Variants in PCDHGA7 observed in about 807,000 individuals in gnomAD.
PCDHGA7 encodes the protein protocadherin gamma subfamily A, 7.
In PCDHGA7, 44 loss-of-function variants were observed where a neutral mutation model predicts 58.3. The ratio of observed to expected loss-of-function variants is 0.75; its 90% CI spans 0.59 to 0.97. The LOEUF (loss-of-function observed/expected upper bound fraction) is 0.97. PCDHGA7 is among the 50% of genes least tolerant of loss of function. PCDHGA7 has a pLI of 0.00. For missense variants in PCDHGA7, 1,266 were observed against 1,188.7 expected, an observed-to-expected ratio of 1.06 and a Z score of -0.96; for synonymous variants, 516 against 504.2, an observed-to-expected ratio of 1.02 and a Z score of -0.31.
chr5:141,392,305 GT>G (rs148037308), intron 1 of PCDHGA7: 5,240 of 152,054 alleles, frequency 0.034, 107 homozygotes, highest in Middle Eastern at 0.088. Flanking sequence ...AAAGTATCAT[GT>G]TTTTTTTAAG....
chr5:141,469,410 A>G (rs2099200490), intron 1 of PCDHGA7, among the ~76,000 whole-genome samples: 1 of 152,128 alleles, frequency 6.6e-6, no homozygotes, highest in Non-Finnish European at 1.5e-5. Context: ...CCCCGTTTCT[A>G]CTAAAAATAT....
rs1561745511 is a variant in PCDHGA7 at position 141,413,844 on chromosome 5, C to T, written c.2424+28521C>T. The stretch of plus-strand genomic sequence containing the variant: ...TCCTCACCGCCTCCGACGGGGGTGA[C>T]CCTCTCCGATCTGGCACTGTCCTTG... On this transcript the variant is annotated intron_variant, in intron 1 of 3. Transcript: ENST00000518325. The T allele has an allele frequency of 5.6e-6, 9 of 1,613,254 alleles. No homozygotes were observed. The East Asian group carries it at 6.7e-5, about 12-fold the overall frequency.
chr5:141,393,331 G>A (rs2092730399), intron 1 of PCDHGA7: 1 of 1,613,860 alleles, frequency 6.2e-7, no homozygotes. Flanking sequence ...TACCAGCTCA[G>A]CCCCAATCAC....
Position 141,476,013 on chromosome 5 carries a change from G to A in PCDHGA7, c.2425-18794G>A. ...AAATCAACGGCATCCAGAAAGCCAT[G>A]TCGGACTCGGCGCCCAGCGCCCAAG... On this transcript the variant is annotated intron_variant, in intron 1 of 3. Coordinates refer to ENST00000518325, the MANE Select transcript of PCDHGA7 (RefSeq NM_018920.4). The surrounding 1 kb of genome is among the most constrained non-coding windows in gnomAD (Gnocchi z 7.6). The A allele has an allele frequency of 7.5e-7, 1 of 1,334,720 alleles. No individual in the cohort carries two copies. The highest frequency in any genetic ancestry group is 1.0e-6 in the Non-Finnish European group (1 of 983,502). 82.7% of individuals were successfully genotyped at this position (1,334,720 alleles called of 1,614,324 possible). A position where few individuals can be genotyped will look rare whatever the true frequency, so the allele number is the denominator to read the frequency against.
rs557973676 is a variant in PCDHGA7, at chr5:141,429,315, T to C, written c.2424+43992T>C. 9.2e-5 allele frequency among the ~76,000 whole-genome samples: 14 copies of C among 152,298 alleles called. No individual in the cohort carries two copies. In the South Asian group the frequency reaches 2.9e-3, roughly 32 times the overall value. ...ACATCAATATTTGAGTATATAAGGC[T>C]TTTTCTTTAATCCATTAACTATAAA... On this transcript the variant is annotated intron_variant, in intron 1 of 3. Transcript: ENST00000518325.
At chr5:141,448,000 C>T (rs1363676731) in intron 1 of PCDHGA7, among the ~76,000 whole-genome samples, 3 of 151,840 alleles carry the variant, frequency 2.0e-5, no homozygotes, top group Non-Finnish European at 4.4e-5. Flanking sequence ...GCATGAGAAT[C>T]GCTTGAACCC....
At chr5:141,503,598 C>CTAA (rs2099824827) in intron 2 of PCDHGA7, among the ~76,000 whole-genome samples, 2 of 65,752 alleles carry the variant, frequency 3.0e-5, no homozygotes, top group African/African-American at 9.3e-5. Flanking sequence ...GACTCCAGCT[C>CTAA]AAAAAAAAAA....
Position 141,486,092 on chromosome 5 carries a change from C to G in PCDHGA7, c.2425-8715C>G. ...TACTGGAAAGCTTACTCTTTTGGGG[C>G]CCCTAGACTTTGAGAGTGAGAATTA... On this transcript the variant is annotated intron_variant, in intron 1 of 3. Transcript: ENST00000518325. The surrounding 1 kb of genome is among the most constrained non-coding windows in gnomAD (Gnocchi z 5.0). The G allele has an allele frequency of 6.2e-7, 1 of 1,614,148 alleles. No individual in the cohort carries two copies. Among genetic ancestry groups the G allele is most frequent in the South Asian group, 1.1e-5 (1 of 91,080 alleles).
Position 141,476,064 on chromosome 5 carries a change from C to T in PCDHGA7, c.2425-18743C>T, listed in dbSNP as rs1593605493. On this transcript the variant is annotated intron_variant, in intron 1 of 3. Transcript: ENST00000518325. The surrounding 1 kb of genome is among the most constrained non-coding windows in gnomAD (Gnocchi z 7.6). Reference sequence around the variant, plus strand: ...CGCTAACCCGCTGAAAGTTTCTCAGCGAAATCTCAGGGACGATCTGGACCC... The same window carrying T: ...CGCTAACCCGCTGAAAGTTTCTCAGTGAAATCTCAGGGACGATCTGGACCC... 2.0e-6 allele frequency: 3 copies of T among 1,510,080 alleles called. No homozygotes were observed. In the East Asian group the frequency reaches 6.8e-5, roughly 34 times the overall value. 93.5% of individuals were successfully genotyped at this position (1,510,080 alleles called of 1,614,324 possible). A position where few individuals can be genotyped will look rare whatever the true frequency, so the allele number is the denominator to read the frequency against.
chr5:141,472,339 A>T (rs1330302365), intron 1 of PCDHGA7, among the ~76,000 whole-genome samples: 1 of 151,906 alleles, frequency 6.6e-6, no homozygotes, highest in Non-Finnish European at 1.5e-5. Flanking sequence ...TGGGAGATCG[A>T]GACCATCCTG....
intron 1 of PCDHGA7, chr5:141,426,648 A>G (rs1224402025): frequency 2.4e-6 from 1 of 418,088 alleles, no homozygotes; most frequent in Non-Finnish European, 4.9e-6. Flanking sequence ...AAATGTGATG[A>G]TAGAAGATAT....
Position 141,383,610 on chromosome 5 carries a change from C to A in PCDHGA7, c.711C>A (p.Asp237Glu), listed in dbSNP as rs372785458. 15 of 1,613,700 alleles carry A rather than the reference C, an allele frequency of 9.3e-6. No homozygotes were observed. Among genetic ancestry groups the A allele is most frequent in the Non-Finnish European group, 1.3e-5 (15 of 1,179,902 alleles). The change falls in exon 1 of 4, where the codon GAC (aspartate) becomes GAA (glutamate). Residue 237 changes from aspartate to glutamate, a missense_variant. Coordinates refer to ENST00000518325, the MANE Select transcript of PCDHGA7 (RefSeq NM_018920.4). ...AGGTGACAGTGGTGGATGTGAATGA[C>A]CACACGCCTGTCTTCTCTCTGCCTC... is the stretch of plus-strand genomic sequence containing the variant. Reference protein sequence around the residue: ...HIQVTVVDVNDHTPVFSLPQY... With the variant: ...HIQVTVVDVNEHTPVFSLPQY...
intron 2 of PCDHGA7, 40 bp from the exon 3 acceptor site, chr5:141,505,353 G>T (rs376781305): frequency 1.7e-5 from 27 of 1,613,426 alleles, no homozygotes; most frequent in Non-Finnish European, 2.0e-5. Flanking sequence ...GAGCTGTGCC[G>T]GCCTGGGAGT....
At chr5:141,499,423 GA>G (rs1229901490) in intron 2 of PCDHGA7, among the ~76,000 whole-genome samples, 3 of 151,756 alleles carry the variant, frequency 2.0e-5, no homozygotes, top group Non-Finnish European at 2.9e-5. Flanking sequence ...ATGAAAAATA[GA>G]AAAAAAATTA....
chr5:141,415,901 C>A, intron 1 of PCDHGA7: 1 of 847,932 alleles, frequency 1.2e-6, no homozygotes, highest in Non-Finnish European at 1.6e-6. Context: ...CTAAGACAGA[C>A]TTCCATACAG....
Position 141,419,013 on chromosome 5 carries a change from G to C in PCDHGA7, c.2424+33690G>C, listed in dbSNP as rs746229802. The C allele has an allele frequency of 6.9e-5, 111 of 1,613,840 alleles. No individual in the cohort carries two copies. In the East Asian group the frequency reaches 2.4e-3, roughly 35 times the overall value. ...GGGGAAAATGGGGAAGTCAGGTGTA[G>C]CTTAAGTAGAGGTGTTCCATTTAAG... is the stretch of plus-strand genomic sequence containing the variant. On this transcript the variant is annotated intron_variant, in intron 1 of 3. Transcript: ENST00000518325.
chr5:141,422,222 C>A (rs1453283842), intron 1 of PCDHGA7: 2 of 1,564,972 alleles, frequency 1.3e-6, no homozygotes, highest in South Asian at 1.2e-5. Flanking sequence ...TTTACCACCA[C>A]GACGATGTTG....
At position 141,400,283 on chromosome 5, in the gene PCDHGA7, C is replaced by T. The variant is rs566639489; in HGVS notation, c.2424+14960C>T. 2.5e-6 allele frequency: 4 copies of T among 1,614,084 alleles called. No individual in the cohort carries two copies. In the African/African-American group the frequency reaches 5.3e-5, roughly 22 times the overall value. On this transcript the variant is annotated intron_variant, in intron 1 of 3. Coordinates refer to ENST00000518325, the MANE Select transcript of PCDHGA7 (RefSeq NM_018920.4). The stretch of plus-strand genomic sequence containing the variant: ...CTGCGACGCTCCTCCAGCCCTGCCG[C>T]CTGGAGCTGCTTCCAACCTGGTCTC...
Position 141,383,585 on chromosome 5 carries a change from A to G in PCDHGA7, c.686A>G (p.Gln229Arg), listed in dbSNP as rs1779292169. The stretch of plus-strand genomic sequence containing the variant: ...CCCCGATCCAGCACCGCCCACATCC[A>G]GGTGACAGTGGTGGATGTGAATGAC... ...DPPRSSTAHI[Q>R]VTVVDVNDHT... The change falls in exon 1 of 4, where the codon CAG becomes CGG. Residue 229 changes from glutamine to arginine, a missense_variant. By Grantham distance (43) the Gln-to-Arg change is conservative (BLOSUM62 1). Coordinates refer to ENST00000518325, the MANE Select transcript of PCDHGA7 (RefSeq NM_018920.4). The G allele has an allele frequency of 4.3e-6, 7 of 1,613,646 alleles. No individual in the cohort carries two copies. Among genetic ancestry groups the G allele is most frequent in the Non-Finnish European group, 5.9e-6 (7 of 1,179,852 alleles).
Sources: allele counts gnomAD v4.1 joint callset (sites outside exome capture counted in the v4.1 genomes callset), GRCh38; gene constraint gnomAD v4.1.1; non-coding constraint Gnocchi (gnomAD v3.1); transcripts MANE v1.5; gene names NCBI Gene and HGNC (gene_info 2026-07-23, HGNC 2026-07-21).